The following SERINC5 variants were observed in gnomAD, a reference collection of about 807,000 sequenced individuals.
The protein encoded by SERINC5 is serine incorporator 5, also known as chromosome 5 open reading frame 12.
Under a neutral mutation model 63.1 loss-of-function variants are expected in SERINC5, and 41 were observed. The observed-to-expected ratio is 0.65, with a 90% CI of 0.51 to 0.84. The LOEUF (loss-of-function observed/expected upper bound fraction) is 0.84, where lower values mean the gene tolerates loss of function less well. SERINC5 is among the 40% of genes least tolerant of loss of function. SERINC5 has a pLI of 0.00. For synonymous variants in SERINC5, 222 were observed against 215.2 expected (o/e 1.03, Z -0.28); for missense variants, 523 against 573.0 (o/e 0.91, Z 0.89).
chr5:80,229,468 A>C (rs1342719256), intron 1 of SERINC5, among the ~76,000 whole-genome samples: 3 of 152,124 alleles, frequency 2.0e-5, no homozygotes, highest in Non-Finnish European at 4.4e-5. Flanking sequence ...CAATATAAAC[A>C]AACTAGAATT....
At chr5:80,231,827 G>A (rs1303752080) in intron 1 of SERINC5, among the ~76,000 whole-genome samples, 1 of 152,072 alleles carries the variant, frequency 6.6e-6, no homozygotes, top group Non-Finnish European at 1.5e-5. Context: ...ATGGCCAGGT[G>A]CAGTGGCTCA....
chr5:80,180,735 A>C (rs141524900), intron 2 of SERINC5, among the ~76,000 whole-genome samples: 1 of 152,336 alleles, frequency 6.6e-6, no homozygotes, highest in East Asian at 1.9e-4. Context: ...GAGATATGAT[A>C]AACATTCAAA....
intron 11 of SERINC5, among the ~76,000 whole-genome samples, chr5:80,117,281 C>A (rs4704611): frequency 1.3e-5 from 2 of 151,906 alleles, no homozygotes; most frequent in Non-Finnish European, 2.9e-5. Flanking sequence ...CAGATGGGAC[C>A]TCACCTCTCT....
At chr5:80,225,751 G>A (rs544636683) in intron 1 of SERINC5, among the ~76,000 whole-genome samples, 7 of 152,218 alleles carry the variant, frequency 4.6e-5, no homozygotes, top group East Asian at 3.9e-4. Flanking sequence ...GAGTGTGTAC[G>A]CAAGGGCAGA....
At chr5:80,196,107 A>C (rs1749480245) in intron 2 of SERINC5, among the ~76,000 whole-genome samples, 1 of 152,088 alleles carries the variant, frequency 6.6e-6, no homozygotes, top group South Asian at 2.1e-4. Flanking sequence ...TCTGGGGAAA[A>C]GTATGCACAA....
At chr5:80,213,758 A>T (rs1295947664) in intron 1 of SERINC5, among the ~76,000 whole-genome samples, 3 of 152,154 alleles carry the variant, frequency 2.0e-5, no homozygotes, top group Non-Finnish European at 4.4e-5. Context: ...CAACCACCGC[A>T]ATCACCAAGC....
intron 7 of SERINC5, among the ~76,000 whole-genome samples, chr5:80,161,152 G>T (rs73125987): frequency 0.048 from 7,302 of 151,836 alleles, 614 homozygotes; most frequent in African/African-American, 0.17. Flanking sequence ...ACAGTGCTGC[G>T]ATAAACACAG....
intron 1 of SERINC5, among the ~76,000 whole-genome samples, chr5:80,250,143 C>G (rs977330233): frequency 2.6e-5 from 4 of 152,156 alleles, no homozygotes; most frequent in African/African-American, 7.2e-5. Flanking sequence ...AACATCCTTG[C>G]AGTAGCCAGG....
chr5:80,203,094 T>C (rs909569608), intron 1 of SERINC5, 41 bp from the exon 2 acceptor site: 10 of 1,533,408 alleles, frequency 6.5e-6, no homozygotes, highest in South Asian at 6.0e-5. Flanking sequence ...AGCATGATAC[T>C]GTGATAGAAT....
intron 1 of SERINC5, among the ~76,000 whole-genome samples, chr5:80,232,101 TAAAA>T (rs34890012): frequency 0.36 from 42,514 of 119,132 alleles, 6,839 homozygotes; most frequent in Admixed American, 0.45. Context: ...GATTCTGTCT[TAAAA>T]AAAAAAAAAA....
chr5:80,251,329 TACATA>T (rs1752409121), intron 1 of SERINC5, among the ~76,000 whole-genome samples: 4 of 149,892 alleles, frequency 2.7e-5, no homozygotes, highest in Non-Finnish European at 4.4e-5. Context: ...CATACATACA[TACATA>T]CATGGGTTTT....
chr5:80,234,367 T>A (rs1751593649), intron 1 of SERINC5, among the ~76,000 whole-genome samples: 1 of 152,206 alleles, frequency 6.6e-6, no homozygotes, highest in Non-Finnish European at 1.5e-5. Context: ...TACATTTACA[T>A]ATGTAAATTG....
intron 1 of SERINC5, 94 bp from the exon 2 acceptor site, chr5:80,203,147 G>T: frequency 8.0e-7 from 1 of 1,247,632 alleles, no homozygotes; most frequent in Non-Finnish European, 1.1e-6. Context: ...TGGAGTCCCT[G>T]CTACTCGGGG....
At chr5:80,219,325 TA>T (rs1750800718) in intron 1 of SERINC5, among the ~76,000 whole-genome samples, 2 of 152,256 alleles carry the variant, frequency 1.3e-5, no homozygotes, top group Non-Finnish European at 2.9e-5. Context: ...ACTGTTTTCC[TA>T]CAGCTGAGAA....
intron 5 of SERINC5, among the ~76,000 whole-genome samples, chr5:80,173,574 C>T (rs886244509): frequency 7.2e-5 from 11 of 151,808 alleles, no homozygotes; most frequent in Non-Finnish European, 1.5e-4. Context: ...CCAGCCTGGG[C>T]GACAGAACGA....
At chr5:80,188,712 A>AC (rs1748993309) in intron 2 of SERINC5, among the ~76,000 whole-genome samples, 1 of 151,756 alleles carries the variant, frequency 6.6e-6, no homozygotes, top group Admixed American at 6.6e-5. Flanking sequence ...ACAGTGAGAG[A>AC]CCCCGTCTCT....
rs552200397 is a variant in SERINC5 at position 80,242,262 on chromosome 5, T to C, written c.27+13634A>G. ...ACTTTTAAGTATAAAGACAGATTAG[T>C]TGAAAGCCAAAAGGGTGGTATGGCT... is the stretch of plus-strand genomic sequence containing the variant. On this transcript the variant is annotated intron_variant, in intron 1 of 11. Coordinates refer to ENST00000507668, the MANE Select transcript of SERINC5 (RefSeq NM_001174072.3). Among the ~76,000 whole-genome samples, 8 of 152,274 alleles carry C rather than the reference T, an allele frequency of 5.3e-5. No individual in the cohort carries two copies. In the East Asian group the frequency reaches 5.8e-4, roughly 11 times the overall value.
downstream of SERINC5, among the ~76,000 whole-genome samples, chr5:80,137,159 A>C (rs1342949865): frequency 3.4e-4 from 36 of 104,834 alleles, no homozygotes; most frequent in Middle Eastern, 5.2e-3. Flanking sequence ...AAAAAAAAAA[A>C]AAAACAAAAA....
chr5:80,134,304 G>A (rs1268086526), downstream of SERINC5, among the ~76,000 whole-genome samples: 1 of 152,092 alleles, frequency 6.6e-6, no homozygotes, highest in East Asian at 1.9e-4. Flanking sequence ...TGGCCAACAT[G>A]GTGAAACCCT....
Sources: gnomAD v4.1 joint callset for allele counts (sites outside exome capture counted in the v4.1 genomes callset) on GRCh38, gnomAD v4.1.1 for gene constraint, MANE v1.5 for transcripts, NCBI Gene and HGNC (gene_info 2026-07-23, HGNC 2026-07-21) for gene names.